CDH13: variants seen among roughly 807,000 people sequenced by gnomAD.
CDH13 encodes the protein cadherin-13.
CDH13 carries 24 observed loss-of-function variants against 63.8 expected under a neutral mutation model. The ratio of observed to expected loss-of-function variants is 0.38; its 90% CI spans 0.27 to 0.53. CDH13 has a LOEUF of 0.53. Among genes scored for constraint, CDH13 ranks in the 20% least tolerant of loss-of-function variants. The probability of loss-of-function intolerance (pLI) is 0.85; values close to 1 mark genes in which losing one functional copy is unlikely to be tolerated. For missense variants in CDH13, 1,049 were observed against 903.1 expected (o/e 1.16, Z -2.07); for synonymous variants, 503 against 355.3 (o/e 1.42, Z -4.67).
chr16:83,523,168 T>A (rs1023482186), intron 7 of CDH13, among the ~76,000 whole-genome samples: 1 of 152,188 alleles, frequency 6.6e-6, no homozygotes, highest in Non-Finnish European at 1.5e-5. Context: ...AAAAGTTTGA[T>A]GTCATCCTCT....
intron 4 of CDH13, among the ~76,000 whole-genome samples, chr16:83,153,295 A>G (rs1224494142): frequency 6.6e-6 from 1 of 151,886 alleles, no homozygotes; most frequent in Admixed American, 6.6e-5. Flanking sequence ...TGGGGGTCAT[A>G]AGATCAGATG....
intron 8 of CDH13, among the ~76,000 whole-genome samples, chr16:83,636,004 G>A (rs1455205261): frequency 6.6e-6 from 1 of 151,878 alleles, no homozygotes; most frequent in Non-Finnish European, 1.5e-5. Flanking sequence ...GGTTTAGGTT[G>A]AGTTCATTTA....
At chr16:82,773,688 A>G (rs868816804) in intron 1 of CDH13, among the ~76,000 whole-genome samples, 1 of 152,164 alleles carries the variant, frequency 6.6e-6, no homozygotes, top group Admixed American at 6.5e-5. Context: ...GAAGTAACTG[A>G]CCTGAAGCAA....
At chr16:83,007,596 G>T (rs1326306407) in intron 2 of CDH13, among the ~76,000 whole-genome samples, 2 of 152,104 alleles carry the variant, frequency 1.3e-5, no homozygotes, top group Non-Finnish European at 2.9e-5. Context: ...TTGGGAGGCT[G>T]GGGCAGGTGG....
chr16:83,161,966 T>G (rs2037465999), intron 4 of CDH13, among the ~76,000 whole-genome samples: 1 of 152,222 alleles, frequency 6.6e-6, no homozygotes, highest in South Asian at 2.1e-4. Flanking sequence ...ATCCATCTTT[T>G]TCTATCAGTG....
intron 2 of CDH13, among the ~76,000 whole-genome samples, chr16:82,938,739 G>T (rs557098454): frequency 6.6e-6 from 1 of 152,194 alleles, no homozygotes; most frequent in African/African-American, 2.4e-5. Context: ...GAGAGTCAAC[G>T]TAGGGTGCAG....
At chr16:83,252,745 T>C (rs1905732051) in intron 5 of CDH13, among the ~76,000 whole-genome samples, 1 of 152,228 alleles carries the variant, frequency 6.6e-6, no homozygotes, top group African/African-American at 2.4e-5. Flanking sequence ...GCCTGACTTC[T>C]AATGTGTAGG....
In CDH13 at chr16:83,360,853, C is replaced by T. The variant is rs147335611; in HGVS notation, c.781+15847C>T. Among the ~76,000 whole-genome samples, 1,389 of 152,278 alleles carry T rather than the reference C, an allele frequency of 9.1e-3. 16 individuals are homozygous for T. Among genetic ancestry groups the T allele is most frequent in the African/African-American group, 0.031 (1,289 of 41,562 alleles). Reference sequence around the variant, plus strand: ...TGTACATTTTCTTTATCCAGTTCACCATTCATGAGTACCTAGGTTGATTCC... The same window carrying T: ...TGTACATTTTCTTTATCCAGTTCACTATTCATGAGTACCTAGGTTGATTCC... On this transcript the variant is annotated intron_variant, in intron 6 of 13. Transcript: ENST00000567109.
chr16:83,083,917 G>C (rs775488347), intron 3 of CDH13, among the ~76,000 whole-genome samples: 3 of 152,182 alleles, frequency 2.0e-5, no homozygotes, highest in African/African-American at 7.2e-5. Context: ...AAGAAAGATA[G>C]CTCCAGGTAA....
intron 7 of CDH13, among the ~76,000 whole-genome samples, chr16:83,501,838 AG>A (rs2074290850): frequency 6.6e-6 from 1 of 152,224 alleles, no homozygotes; most frequent in South Asian, 2.1e-4. Context: ...GACTCATTTC[AG>A]GGATTTCTGT....
chr16:83,055,723 A>T (rs1286231761), intron 3 of CDH13, among the ~76,000 whole-genome samples: 4 of 152,122 alleles, frequency 2.6e-5, no homozygotes, highest in Admixed American at 6.5e-5. Flanking sequence ...ATAGAAAAAA[A>T]ATGAAACGCT....
chr16:82,719,572 G>A (rs1042416556), intron 1 of CDH13: 65 of 385,232 alleles, frequency 1.7e-4, no homozygotes, highest in South Asian at 4.1e-4. Flanking sequence ...TAGGATGGGC[G>A]CAGTGGCTTG....
intron 6 of CDH13, among the ~76,000 whole-genome samples, chr16:83,400,458 C>T (rs7202692): frequency 0.7 from 105,894 of 151,978 alleles, 37,060 homozygotes; most frequent in East Asian, 0.81. Flanking sequence ...AGTGGTGCCC[C>T]CTAGAGGAAA....
At chr16:82,914,233 C>A (rs551337128) in intron 2 of CDH13, among the ~76,000 whole-genome samples, 1 of 152,288 alleles carries the variant, frequency 6.6e-6, no homozygotes, top group Admixed American at 6.5e-5. Context: ...TGGCCCCTCC[C>A]AGGGCCCATT....
At chr16:82,818,052 C>G (rs1167852253) in intron 1 of CDH13, among the ~76,000 whole-genome samples, 1 of 152,042 alleles carries the variant, frequency 6.6e-6, no homozygotes, top group Non-Finnish European at 1.5e-5. Context: ...TGCATACATA[C>G]ATGACTATAC....
chr16:83,212,284 T>C (rs2039360094), intron 4 of CDH13, among the ~76,000 whole-genome samples: 1 of 152,112 alleles, frequency 6.6e-6, no homozygotes, highest in Non-Finnish European at 1.5e-5. Context: ...GAAGTTGGAA[T>C]ATGCTGGGGT....
chr16:83,010,825 T>C (rs1365440562), intron 2 of CDH13, among the ~76,000 whole-genome samples: 4 of 152,230 alleles, frequency 2.6e-5, no homozygotes, highest in African/African-American at 7.2e-5. Context: ...TTACTAGTAG[T>C]GGAGCTTACG....
chr16:82,805,675 G>A lies in CDH13; in HGVS notation c.46-52687G>A, dbSNP rs560458444. On this transcript the variant is annotated intron_variant, in intron 1 of 13. Transcript: ENST00000567109. ...AATCTACTTTGGAGACTAGGTGTGG[G>A]TGTCTGATTTAGAACCCTTCTCATA... is the stretch of plus-strand genomic sequence containing the variant. Among the ~76,000 whole-genome samples, 5 of 152,276 alleles carry A rather than the reference G, an allele frequency of 3.3e-5. No individual in the cohort carries two copies. In the South Asian group the frequency reaches 1.0e-3, roughly 32 times the overall value.
At chr16:82,673,906 G>T (rs1462492484) in intron 1 of CDH13, among the ~76,000 whole-genome samples, 1 of 152,176 alleles carries the variant, frequency 6.6e-6, no homozygotes, top group Admixed American at 6.5e-5. Context: ...TCCAGGTCCG[G>T]CAATGTGTGC....
Sources: gnomAD v4.1 joint callset for allele counts (sites outside exome capture counted in the v4.1 genomes callset) on GRCh38, gnomAD v4.1.1 for gene constraint, MANE v1.5 for transcripts, NCBI Gene and HGNC (gene_info 2026-07-23, HGNC 2026-07-21) for gene names.